FAM184B: variants seen among roughly 807,000 people sequenced by gnomAD.
FAM184B encodes the protein protein FAM184B.
In FAM184B, 111 loss-of-function variants were observed where a neutral mutation model predicts 135.9. The ratio of observed to expected loss-of-function variants is 0.82; its 90% CI spans 0.70 to 0.96. The LOEUF is 0.96. Ranked by LOEUF, FAM184B falls within the 40% of genes least tolerant of loss-of-function variation. The pLI, the probability that FAM184B is intolerant of heterozygous loss-of-function variation, is 0.00. For synonymous variants in FAM184B, 552 were observed against 524.8 expected, an observed-to-expected ratio of 1.05 and a Z score of -0.71; for missense variants, 1,375 against 1,323.9, an observed-to-expected ratio of 1.04 and a Z score of -0.60.
intron 10 of FAM184B, among the ~76,000 whole-genome samples, chr4:17,656,298 G>A (rs534007079): frequency 2.6e-4 from 40 of 152,296 alleles, no homozygotes; most frequent in African/African-American, 9.6e-4. Flanking sequence ...GTAAGCCAAA[G>A]TGAAAAAAGA....
chr4:17,708,589 G>A (rs901614295), intron 2 of FAM184B, among the ~76,000 whole-genome samples: 1 of 145,914 alleles, frequency 6.9e-6, no homozygotes, highest in African/African-American at 2.5e-5. Context: ...AGATTGCAGT[G>A]AGCTGAGATC....
chr4:17,697,092 G>A (rs372272794), intron 5 of FAM184B, among the ~76,000 whole-genome samples: 7 of 152,178 alleles, frequency 4.6e-5, no homozygotes, highest in African/African-American at 1.7e-4. Flanking sequence ...CTGGAGGCAG[G>A]GAAATCATCG....
intron 7 of FAM184B, among the ~76,000 whole-genome samples, chr4:17,678,141 A>C (rs747030411): frequency 3.3e-5 from 5 of 152,224 alleles, no homozygotes; most frequent in Non-Finnish European, 5.9e-5. Context: ...CACCACTTCT[A>C]TTCAACATAG....
At chr4:17,717,719 T>C (rs1156498941) in intron 1 of FAM184B, among the ~76,000 whole-genome samples, 1 of 151,970 alleles carries the variant, frequency 6.6e-6, no homozygotes, top group Non-Finnish European at 1.5e-5. Context: ...CTCTAATTAA[T>C]GGCTTTTAAG....
intron 2 of FAM184B, 42 bp from the exon 3 acceptor site, chr4:17,707,826 T>C (rs1221583996): frequency 6.5e-7 from 1 of 1,550,060 alleles, no homozygotes; most frequent in Admixed American, 2.0e-5. Flanking sequence ...GTTATAGCTC[T>C]GTATAGAGAC....
At chr4:17,749,219 T>C (rs933930814) in intron 1 of FAM184B, among the ~76,000 whole-genome samples, 2 of 152,092 alleles carry the variant, frequency 1.3e-5, no homozygotes, top group Non-Finnish European at 2.9e-5. Context: ...TCTATAAGCC[T>C]CTTAATGTCT....
rs890913901 is a variant in FAM184B, at chr4:17,673,489, G to A, written c.1597-8830C>T. 1.1e-4 allele frequency among the ~76,000 whole-genome samples: 17 copies of A among 152,068 alleles called. No homozygotes were observed. The East Asian group carries it at 1.5e-3, about 14-fold the overall frequency. On this transcript the variant is annotated intron_variant, in intron 7 of 17. Coordinates refer to ENST00000265018, the MANE Select transcript of FAM184B (RefSeq NM_015688.2). ...AGGCATGTTTATAGCAGCACAGTTC[G>A]CAATCACAAAAATGTGGAACCAACC...
intron 12 of FAM184B, 36 bp downstream of exon 12, chr4:17,647,601 G>C (rs778089407): frequency 3.3e-6 from 5 of 1,533,014 alleles, no homozygotes; most frequent in Non-Finnish European, 4.4e-6. Context: ...GCTGCTCTGG[G>C]AGGGGTATTG....
Position 17,749,902 on chromosome 4 carries a change from G to A in FAM184B, c.141+31257C>T, listed in dbSNP as rs1004050814. 6.5e-5 allele frequency among the ~76,000 whole-genome samples: 9 copies of A among 139,098 alleles called. No individual in the cohort carries two copies. In the South Asian group the frequency reaches 7.2e-4, roughly 11 times the overall value. 91.3% of individuals were successfully genotyped at this position (139,098 alleles called of 152,430 possible). On this transcript the variant is annotated intron_variant, in intron 1 of 17. Coordinates refer to ENST00000265018, the MANE Select transcript of FAM184B (RefSeq NM_015688.2). ...TATTTCGTCACTTTTAGTATTTACCGTTATAATGTAAGTGTCTTTTTCCTT... is the reference window on the plus strand; with the variant it reads ...TATTTCGTCACTTTTAGTATTTACCATTATAATGTAAGTGTCTTTTTCCTT...
chr4:17,675,905 G>A (rs558731168), intron 7 of FAM184B, among the ~76,000 whole-genome samples: 8 of 151,962 alleles, frequency 5.3e-5, no homozygotes, highest in African/African-American at 1.7e-4. Context: ...GGAATGTTGT[G>A]GCTGGTTTGA....
rs780031151 is a variant in FAM184B, at chr4:17,639,344, G to A, written c.2572C>T (p.Arg858Cys). The A allele has an allele frequency of 1.9e-5, 29 of 1,551,624 alleles. No homozygotes were observed. Among genetic ancestry groups the A allele is most frequent in the Middle Eastern group, 1.7e-4 (1 of 6,012 alleles). ...TGCATCTCCTTCCGGTGTTCCTGGC[G>A]CAGTGTCTCCACCTCCCTGGCCCGC... is the stretch of plus-strand genomic sequence containing the variant. ...AQRAREVETLRQEHRKEMQAM... is the reference protein window; with the variant it reads ...AQRAREVETLCQEHRKEMQAM... Residue 858 changes from arginine to cysteine, a missense_variant, in exon 14 of 18, where the codon CGC (arginine) becomes TGC (cysteine). Coordinates refer to ENST00000265018, the MANE Select transcript of FAM184B (RefSeq NM_015688.2).
chr4:17,714,266 G>A (rs906521631), intron 1 of FAM184B, among the ~76,000 whole-genome samples: 2 of 152,176 alleles, frequency 1.3e-5, no homozygotes, highest in Non-Finnish European at 2.9e-5. Flanking sequence ...TTTAGGTGAG[G>A]TCCTATGACT....
chr4:17,721,418 T>A (rs934000911), intron 1 of FAM184B, among the ~76,000 whole-genome samples: 4 of 70,048 alleles, frequency 5.7e-5, no homozygotes, highest in Non-Finnish European at 1.6e-4. Context: ...CTCTTTGCCC[T>A]AGCAGAAAGG....
At chr4:17,705,531 G>A (rs985124932) in intron 4 of FAM184B, among the ~76,000 whole-genome samples, 1 of 152,190 alleles carries the variant, frequency 6.6e-6, no homozygotes, top group African/African-American at 2.4e-5. Context: ...CCCAGAAGCC[G>A]ATGATATAGC....
intron 1 of FAM184B, among the ~76,000 whole-genome samples, chr4:17,764,284 T>C (rs1183154327): frequency 1.3e-5 from 2 of 152,182 alleles, no homozygotes; most frequent in Admixed American, 6.5e-5. Context: ...AAACAGAAGG[T>C]TGTGTTTAAC....
At chr4:17,674,456 G>A (rs558231032) in intron 7 of FAM184B, among the ~76,000 whole-genome samples, 1 of 152,216 alleles carries the variant, frequency 6.6e-6, no homozygotes, top group Non-Finnish European at 1.5e-5. Flanking sequence ...TAATCTTTTT[G>A]CTGTGAAAGG....
In FAM184B at chr4:17,701,031, C is replaced by A. The variant is rs550214830; in HGVS notation, c.1377+3969G>T. 3.3e-5 allele frequency among the ~76,000 whole-genome samples: 5 copies of A among 152,176 alleles called. No individual in the cohort carries two copies. In the South Asian group the frequency reaches 1.0e-3, roughly 32 times the overall value. ...AAACAGAGGCCATAATGACATATGT[C>A]GAGGTGACATATTTAAGATTTGACA... On this transcript the variant is annotated intron_variant, in intron 5 of 17. Coordinates refer to ENST00000265018, the MANE Select transcript of FAM184B (RefSeq NM_015688.2).
intron 1 of FAM184B, among the ~76,000 whole-genome samples, chr4:17,720,907 G>GA (rs1413712212): frequency 7.1e-6 from 1 of 140,896 alleles, no homozygotes; most frequent in African/African-American, 2.6e-5. Context: ...AAAAAAGAAA[G>GA]AAAAAAGAAG....
intron 1 of FAM184B, among the ~76,000 whole-genome samples, chr4:17,717,031 G>T (rs373176684): frequency 2.6e-4 from 39 of 152,052 alleles, no homozygotes; most frequent in African/African-American, 9.2e-4. Context: ...GGCTGGTCTA[G>T]ATCTTCTGAC....
Sources: gnomAD v4.1 joint callset for allele counts (sites outside exome capture counted in the v4.1 genomes callset) on GRCh38, gnomAD v4.1.1 for gene constraint, MANE v1.5 for transcripts, NCBI Gene and HGNC (gene_info 2026-07-23, HGNC 2026-07-21) for gene names.